INTU: variants seen among roughly 807,000 people sequenced by gnomAD.
INTU encodes protein inturned.
Under a neutral mutation model 100.5 loss-of-function variants are expected in INTU, and 68 were observed. The ratio of observed to expected loss-of-function variants is 0.68; its 90% CI spans 0.56 to 0.83. INTU has a LOEUF of 0.83. Among genes scored for constraint, INTU ranks in the 40% least tolerant of loss-of-function variants. INTU has a pLI of 0.00. For synonymous variants in INTU, 357 were observed against 395.7 expected, an observed-to-expected ratio of 0.90 and a Z score of 1.16; for missense variants, 1,071 against 1,114.7, an observed-to-expected ratio of 0.96 and a Z score of 0.56.
chr4:127,655,487 AG>A (rs1457751039), intron 2 of INTU, among the ~76,000 whole-genome samples: 4 of 150,882 alleles, frequency 2.7e-5, no homozygotes, highest in Non-Finnish European at 4.4e-5. Context: ...CTGCCGTGTG[AG>A]GTGTCAGTGT....
intron 9 of INTU, among the ~76,000 whole-genome samples, chr4:127,702,858 T>A (rs904104466): frequency 3.3e-5 from 5 of 152,098 alleles, no homozygotes; most frequent in Non-Finnish European, 7.4e-5. Context: ...TTTTGCCTTT[T>A]CCAGGATGTA....
intron 1 of INTU, among the ~76,000 whole-genome samples, chr4:127,635,309 G>A (rs1157324209): frequency 6.6e-6 from 1 of 151,996 alleles, no homozygotes; most frequent in Non-Finnish European, 1.5e-5. Flanking sequence ...CATACCCTGG[G>A]AGGCTTCCGA....
chr4:127,684,634 C>G (rs1729733171), intron 7 of INTU, 148 bp downstream of exon 7: 1 of 526,418 alleles, frequency 1.9e-6, no homozygotes, highest in African/African-American at 2.0e-5. Flanking sequence ...CCTTCCTCTT[C>G]CTCCTCCTCC....
In INTU at chr4:127,633,082, C is replaced by G. The variant is rs758662190; in HGVS notation, c.48C>G (p.Leu16=). The G allele has an allele frequency of 6.2e-7, 1 of 1,613,966 alleles. No homozygotes were observed. Among genetic ancestry groups the G allele is most frequent in the Non-Finnish European group, 8.5e-7 (1 of 1,179,866 alleles). ...SCDSRPSSDE[L]PGDPSSQEED... ...ATTCGCGTCCGAGCTCAGACGAGCT[C>G]CCTGGAGACCCCTCTTCACAAGAAG... The change falls in exon 1 of 16, where the codon CTC becomes CTG. Residue 16 remains leucine, a synonymous_variant. Coordinates refer to ENST00000335251, the MANE Select transcript of INTU (RefSeq NM_015693.4).
intron 10 of INTU, 53 bp downstream of exon 10, chr4:127,704,343 A>G: frequency 1.5e-6 from 2 of 1,336,752 alleles, no homozygotes; most frequent in Non-Finnish European, 2.1e-6. Flanking sequence ...AGAGAACTAA[A>G]TTTTCAAAAC....
intron 6 of INTU, among the ~76,000 whole-genome samples, chr4:127,681,454 C>A (rs1214683593): frequency 6.6e-6 from 1 of 152,148 alleles, no homozygotes; most frequent in East Asian, 1.9e-4. Context: ...TGCCTCATAT[C>A]TACAACTATC....
chr4:127,698,980 T>C (rs1730520002), intron 8 of INTU, among the ~76,000 whole-genome samples: 1 of 152,182 alleles, frequency 6.6e-6, no homozygotes, highest in Non-Finnish European at 1.5e-5. Context: ...GTGAAAAGCA[T>C]TGAAAGGCAT....
At chr4:127,712,104 G>T (rs1388568850) in intron 14 of INTU, among the ~76,000 whole-genome samples, 1 of 152,160 alleles carries the variant, frequency 6.6e-6, no homozygotes, top group Non-Finnish European at 1.5e-5. Context: ...ATGTGTTAGG[G>T]ATGCCAAATT....
intron 1 of INTU, among the ~76,000 whole-genome samples, chr4:127,641,896 A>C (rs944702760): frequency 6.6e-6 from 1 of 152,208 alleles, no homozygotes; most frequent in Non-Finnish European, 1.5e-5. Context: ...GAAATGAATC[A>C]TCTTCATATT....
At chr4:127,644,217 T>C (rs537321305) in intron 2 of INTU, among the ~76,000 whole-genome samples, 161 bp downstream of exon 2, 118 of 152,368 alleles carry the variant, frequency 7.7e-4, no homozygotes, top group Middle Eastern at 3.4e-3. Flanking sequence ...CATGGTGCAC[T>C]ACAAGGCACA....
At chr4:127,651,446 G>C (rs1351956700) in intron 2 of INTU, among the ~76,000 whole-genome samples, 5 of 152,224 alleles carry the variant, frequency 3.3e-5, no homozygotes, top group Non-Finnish European at 5.9e-5. Context: ...TGGCTAGCCA[G>C]TTATCCCAGC....
At chr4:127,678,549 G>A (rs1285549394) in intron 6 of INTU, among the ~76,000 whole-genome samples, 2 of 152,256 alleles carry the variant, frequency 1.3e-5, no homozygotes, top group South Asian at 4.1e-4. Flanking sequence ...ACAAGCAAAT[G>A]CTGAGAGATT....
chr4:127,654,635 T>C (rs1326362159), intron 2 of INTU, among the ~76,000 whole-genome samples: 1 of 151,322 alleles, frequency 6.6e-6, no homozygotes, highest in Middle Eastern at 3.2e-3. Context: ...ACCCGACCTT[T>C]CTCTCTGGCT....
In INTU at chr4:127,723,687, C is replaced by A. The variant is rs925214611; in HGVS notation, c.*7251C>A. The A allele has an allele frequency of 4.0e-5, 6 of 151,686 alleles. No homozygotes were observed. Among genetic ancestry groups the A allele is most frequent in the Admixed American group, 2.6e-4 (4 of 15,214 alleles). 9.4% of individuals were successfully genotyped at this position (151,686 alleles called of 1,614,324 possible). A position where few individuals can be genotyped will look rare whatever the true frequency, so the allele number is the denominator to read the frequency against. On this transcript the variant is annotated 3_prime_UTR_variant, in exon 16 of 16. Transcript: ENST00000335251. ...TTTGTTTTTGTTAAAATACATTCAG[C>A]GGCTGGGCTTAGTGGCTCACGCCTG...
At chr4:127,640,390 C>A (rs1727257249) in intron 1 of INTU, among the ~76,000 whole-genome samples, 1 of 151,458 alleles carries the variant, frequency 6.6e-6, no homozygotes, top group Non-Finnish European at 1.5e-5. Flanking sequence ...CCTGTCTCTA[C>A]CTCTTTATCT....
chr4:127,633,648 A>G (rs978375127), intron 1 of INTU, among the ~76,000 whole-genome samples: 1 of 152,194 alleles, frequency 6.6e-6, no homozygotes, highest in Non-Finnish European at 1.5e-5. Flanking sequence ...ATGAATAGCT[A>G]TATAACAGAA....
At chr4:127,686,329 A>G (rs1729823012) in intron 7 of INTU, 2 of 152,176 alleles carry the variant, frequency 1.3e-5, no homozygotes, top group African/African-American at 4.8e-5. Context: ...TATCTTTATT[A>G]TTGCCCTGTC....
rs767123635 is a variant in INTU, at chr4:127,710,947, T to C, written c.2404T>C (p.Tyr802His). 6.6e-7 allele frequency: 1 copy of C among 1,523,728 alleles called. No homozygotes were observed. Among genetic ancestry groups the C allele is most frequent in the Non-Finnish European group, 8.9e-7 (1 of 1,121,116 alleles). 94.4% of individuals were successfully genotyped at this position (1,523,728 alleles called of 1,614,324 possible). ...TGGTCCTGAGAACACACTTTTCCACTACGTTGCCTTAGAAACAGTGCAAGG... is the reference window on the plus strand; with the variant it reads ...TGGTCCTGAGAACACACTTTTCCACCACGTTGCCTTAGAAACAGTGCAAGG... The part of the protein sequence containing the change: ...TSGPENTLFH[Y>H]VALETVQGIF... Residue 802 changes from tyrosine to histidine, a missense_variant, in exon 14 of 16, where the codon TAC becomes CAC. Coordinates refer to ENST00000335251, the MANE Select transcript of INTU (RefSeq NM_015693.4).
chr4:127,718,908 T>A lies in INTU; in HGVS notation c.*2472T>A, dbSNP rs985095951. 2.8e-4 allele frequency: 43 copies of A among 152,326 alleles called. No individual in the cohort carries two copies. Among genetic ancestry groups the A allele is most frequent in the African/African-American group, 1.0e-3 (42 of 41,578 alleles). 9.4% of individuals were successfully genotyped at this position (152,326 alleles called of 1,614,324 possible). On this transcript the variant is annotated 3_prime_UTR_variant, in exon 16 of 16. Coordinates refer to ENST00000335251, the MANE Select transcript of INTU (RefSeq NM_015693.4). ...GGCTGAGACAATGGGGTTTTCTAGA[T>A]ATAGGATAATGTCCTCTGCAAACAA...
Sources: allele counts gnomAD v4.1 joint callset (sites outside exome capture counted in the v4.1 genomes callset), GRCh38; gene constraint gnomAD v4.1.1; transcripts MANE v1.5; gene names NCBI Gene and HGNC (gene_info 2026-07-23, HGNC 2026-07-21).